Variants in TRPC1 observed in about 807,000 individuals in gnomAD.
The protein encoded by TRPC1 is transient receptor potential cation channel subfamily C member 1, also known as short transient receptor potential channel 1.
In TRPC1, 42 loss-of-function variants were observed where a neutral mutation model predicts 88.2. That is an observed-to-expected ratio of 0.48 (90% CI 0.37 to 0.62). The LOEUF is 0.62. Ranked by LOEUF, TRPC1 falls within the 20% of genes least tolerant of loss-of-function variation. TRPC1 has a pLI of 0.00. For missense variants in TRPC1, 699 were observed against 957.3 expected, an observed-to-expected ratio of 0.73 and a Z score of 3.56; for synonymous variants, 288 against 331.8, an observed-to-expected ratio of 0.87 and a Z score of 1.43.
At chr3:142,727,908 G>A (rs768633594) in intron 1 of TRPC1, among the ~76,000 whole-genome samples, 3 of 151,870 alleles carry the variant, frequency 2.0e-5, no homozygotes, top group African/African-American at 4.8e-5. Context: ...CCTCAGGTCT[G>A]TTAACAGGAG....
At chr3:142,780,800 G>A (rs772377574) in intron 5 of TRPC1, 34 bp from the exon 6 acceptor site, 19 of 1,544,766 alleles carry the variant, frequency 1.2e-5, no homozygotes, top group East Asian at 4.6e-5. Flanking sequence ...AGATGGAAAC[G>A]ACGTTTCTGA....
At chr3:142,733,689 C>CT (rs1276562945) in intron 1 of TRPC1, among the ~76,000 whole-genome samples, 1 of 152,160 alleles carries the variant, frequency 6.6e-6, no homozygotes, top group African/African-American at 2.4e-5. Flanking sequence ...GTTTCTGTCT[C>CT]TAGCAATATG....
At chr3:142,783,785 A>G (rs1560113081) in intron 6 of TRPC1, among the ~76,000 whole-genome samples, 1 of 152,178 alleles carries the variant, frequency 6.6e-6, no homozygotes, top group Non-Finnish European at 1.5e-5. Context: ...AAGGTTGACC[A>G]AATATTATTG....
At chr3:142,781,273 TTTA>T (rs1414137395) in intron 6 of TRPC1, among the ~76,000 whole-genome samples, 6 of 152,306 alleles carry the variant, frequency 3.9e-5, no homozygotes, top group African/African-American at 4.8e-5. Flanking sequence ...AATGGTAGTT[TTTA>T]TTATTTTTAG....
At chr3:142,737,480 C>G (rs1934186769) in intron 2 of TRPC1, among the ~76,000 whole-genome samples, 3 of 151,898 alleles carry the variant, frequency 2.0e-5, no homozygotes, top group Middle Eastern at 3.2e-3. Context: ...GTAAAAAATA[C>G]CTCTGAGCAG....
Position 142,777,664 on chromosome 3 carries a change from G to T in TRPC1, c.665G>T (p.Ser222Ile). 2.5e-6 allele frequency: 4 copies of T among 1,611,912 alleles called. No homozygotes were observed. The highest frequency in any genetic ancestry group is 3.4e-6 in the Non-Finnish European group (4 of 1,178,678). Residue 222 changes from serine to isoleucine, a missense_variant, in exon 5 of 13, where the codon AGT becomes ATT. Ser to Ile is a moderately radical substitution (Grantham distance 142, BLOSUM62 -2). Coordinates refer to ENST00000476941, the MANE Select transcript of TRPC1 (RefSeq NM_001251845.2). ...CTTGATATATATCGATGTTTGGCCA[G>T]TCCAGCTCTAATAATGTTAACAGAG... ...FRLDIYRCLA[S>I]PALIMLTEED...
chr3:142,802,046 G>A, intron 9 of TRPC1, 123 bp from the exon 10 acceptor site: 1 of 571,658 alleles, frequency 1.7e-6, no homozygotes, highest in Non-Finnish European at 2.9e-6. Flanking sequence ...TCAACCAGAT[G>A]CAATAGAAGG....
At chr3:142,757,315 T>A (rs901597294) in intron 4 of TRPC1, among the ~76,000 whole-genome samples, 26 of 150,504 alleles carry the variant, frequency 1.7e-4, no homozygotes, top group Admixed American at 1.1e-3. Flanking sequence ...TTTAAAATAA[T>A]CCCAAAGGAT....
At chr3:142,742,598 A>G (rs1368437442) in intron 2 of TRPC1, among the ~76,000 whole-genome samples, 1 of 152,226 alleles carries the variant, frequency 6.6e-6, no homozygotes. Flanking sequence ...TCCAAGAGCA[A>G]GAACATTGAT....
intron 10 of TRPC1, 32 bp downstream of exon 10, chr3:142,802,376 A>G (rs749515245): frequency 2.3e-6 from 3 of 1,309,684 alleles, no homozygotes; most frequent in East Asian, 5.8e-5. Context: ...TAGTAAATAT[A>G]TTTGTCTTTT....
chr3:142,777,510 A>G (rs1424824375), intron 4 of TRPC1, 122 bp from the exon 5 acceptor site: 4 of 536,822 alleles, frequency 7.5e-6, no homozygotes, highest in African/African-American at 5.9e-5. Context: ...TAATAAATAT[A>G]TCTGTAGTTT....
rs1376350668 is a variant in TRPC1, at chr3:142,792,703, T to A, written c.1438-121T>A. 1.2e-5 allele frequency: 10 copies of A among 823,620 alleles called. No individual in the cohort carries two copies. The highest frequency in any genetic ancestry group is 1.7e-5 in the Non-Finnish European group (10 of 583,378). 51.0% of individuals were successfully genotyped at this position (823,620 alleles called of 1,614,324 possible). On this transcript the variant is annotated intron_variant, in intron 8 of 12. Coordinates refer to ENST00000476941, the MANE Select transcript of TRPC1 (RefSeq NM_001251845.2). The surrounding 1 kb of genome is among the most constrained non-coding windows in gnomAD (Gnocchi z 4.0). The stretch of plus-strand genomic sequence containing the variant: ...TTTAAAAAACCCTATAAAACATAAG[T>A]GGAGATCCCCTATAAGAAGACAAAA...
intron 5 of TRPC1, 114 bp downstream of exon 5, chr3:142,777,877 C>A (rs1054124421): frequency 8.7e-7 from 1 of 1,147,344 alleles, no homozygotes; most frequent in Non-Finnish European, 1.2e-6. Flanking sequence ...GAACACTACA[C>A]CTTGTTGCCA....
intron 9 of TRPC1, 147 bp from the exon 10 acceptor site, chr3:142,802,022 T>A: frequency 2.2e-6 from 1 of 450,874 alleles, no homozygotes; most frequent in Non-Finnish European, 3.8e-6. Flanking sequence ...TCGATGTTTT[T>A]AAAATGATCT....
chr3:142,805,400 G>A (rs1223498621), intron 12 of TRPC1, among the ~76,000 whole-genome samples: 1 of 151,970 alleles, frequency 6.6e-6, no homozygotes. Flanking sequence ...TAAACCAGGG[G>A]TTGGGACATT....
At chr3:142,794,015 T>C (rs1936374712) in intron 9 of TRPC1, 1 of 560,534 alleles carries the variant, frequency 1.8e-6, no homozygotes, top group Admixed American at 6.4e-5. Flanking sequence ...ACAGTGCATG[T>C]TATCACATTA....
rs575926711 is a variant in TRPC1, at chr3:142,792,203, G to A, written c.1438-621G>A. On this transcript the variant is annotated intron_variant, in intron 8 of 12. Transcript: ENST00000476941. The surrounding 1 kb of genome is among the most constrained non-coding windows in gnomAD (Gnocchi z 4.0). ...TTTGATAAAGGGATTGAGAGACATT[G>A]CTTTTTCAGATTGATCTCTTTCGTT... Among the ~76,000 whole-genome samples the A allele has an allele frequency of 1.2e-4, 18 of 152,102 alleles. No individual in the cohort carries two copies. The highest frequency in any genetic ancestry group is 9.2e-4 in the Admixed American group (14 of 15,262).
rs1936821189 is a variant in TRPC1 at position 142,807,241 on chromosome 3, T to TTATC, written c.*1008_*1011dup. 1.3e-5 allele frequency: 2 copies of TTATC among 152,216 alleles called. No individual in the cohort carries two copies. 9.4% of individuals were successfully genotyped at this position (152,216 alleles called of 1,614,324 possible). Reference sequence around the variant, plus strand: ...TATATTTGGACTAAGGTTCTTGAGCTTATCTCCCAAGGTACTTTCCATAAT... The same window carrying TTATC: ...TATATTTGGACTAAGGTTCTTGAGCTTATCTATCTCCCAAGGTACTTTCCATAAT... On this transcript the variant is annotated 3_prime_UTR_variant, in exon 13 of 13. Coordinates refer to ENST00000476941, the MANE Select transcript of TRPC1 (RefSeq NM_001251845.2).
At chr3:142,740,111 T>G (rs1463193310) in intron 2 of TRPC1, among the ~76,000 whole-genome samples, 1 of 152,248 alleles carries the variant, frequency 6.6e-6, no homozygotes, top group African/African-American at 2.4e-5. Context: ...TGGAACAGTT[T>G]CATCCGAAAC....
Sources: gnomAD v4.1 joint callset for allele counts (sites outside exome capture counted in the v4.1 genomes callset) on GRCh38, gnomAD v4.1.1 for gene constraint, Gnocchi (gnomAD v3.1) non-coding constraint, MANE v1.5 for transcripts, NCBI Gene and HGNC (gene_info 2026-07-23, HGNC 2026-07-21) for gene names.